Variants in SEC24D observed in about 807,000 individuals in gnomAD.
SEC24D encodes the protein SEC24 homolog D, COPII component.
SEC24D carries 69 observed loss-of-function variants against 116.9 expected under a neutral mutation model. The ratio of observed to expected loss-of-function variants is 0.59; its 90% CI spans 0.49 to 0.72. SEC24D has a LOEUF of 0.72. Ranked by LOEUF, SEC24D falls within the 30% of genes least tolerant of loss-of-function variation. The probability of loss-of-function intolerance (pLI) is 0.00; values close to 1 mark genes in which losing one functional copy is unlikely to be tolerated. For missense variants in SEC24D, 1,131 were observed against 1,264.1 expected (o/e 0.89, Z 1.60); for synonymous variants, 405 against 442.8 (o/e 0.91, Z 1.07).
intron 3 of SEC24D, among the ~76,000 whole-genome samples, chr4:118,821,132 TG>T (rs1342762874): frequency 2.0e-5 from 3 of 152,232 alleles, no homozygotes; most frequent in Non-Finnish European, 4.4e-5. Context: ...AGAGAAAAAA[TG>T]AAAGTTCCAC....
chr4:118,816,577 T>G (rs773009581), intron 4 of SEC24D, among the ~76,000 whole-genome samples: 2 of 152,242 alleles, frequency 1.3e-5, no homozygotes, highest in Non-Finnish European at 2.9e-5. Flanking sequence ...TATGGGAAAC[T>G]GGGTTGCTTC....
At chr4:118,795,627 C>T (rs916733459) in intron 8 of SEC24D, among the ~76,000 whole-genome samples, 3 of 152,110 alleles carry the variant, frequency 2.0e-5, no homozygotes, top group Non-Finnish European at 2.9e-5. Context: ...CTCTTTAAAA[C>T]GTTATGCTGA....
At chr4:118,759,286 C>G (rs1727254675) in intron 10 of SEC24D, among the ~76,000 whole-genome samples, 1 of 152,150 alleles carries the variant, frequency 6.6e-6, no homozygotes, top group South Asian at 2.1e-4. Context: ...TTGGCTGTTC[C>G]TTTTCCTTCA....
In SEC24D at chr4:118,764,960, A is replaced by G. The variant is rs772242518; in HGVS notation, c.1181-43T>C. ...GGAAAGAAAATATTTTGTTTTCATA[A>G]ACACAGACAATTTAGTAAGTTCTCA... is the stretch of plus-strand genomic sequence containing the variant. On this transcript the variant is annotated intron_variant, in intron 9 of 22. Transcript: ENST00000280551. 1.0e-5 allele frequency: 11 copies of G among 1,087,864 alleles called. No individual in the cohort carries two copies. In the South Asian group the frequency reaches 1.4e-4, roughly 14 times the overall value. 67.4% of individuals were successfully genotyped at this position (1,087,864 alleles called of 1,614,324 possible). A position where few individuals can be genotyped will look rare whatever the true frequency, so the allele number is the denominator to read the frequency against.
intron 8 of SEC24D, among the ~76,000 whole-genome samples, chr4:118,792,112 G>A (rs1417747277): frequency 4.0e-5 from 6 of 151,396 alleles, no homozygotes; most frequent in African/African-American, 1.2e-4. Flanking sequence ...CGTCTGAGAT[G>A]TGAAGAGCGC....
At chr4:118,783,951 C>T (rs1302780304) in intron 8 of SEC24D, among the ~76,000 whole-genome samples, 2 of 152,288 alleles carry the variant, frequency 1.3e-5, no homozygotes, top group Admixed American at 6.5e-5. Context: ...GCCTGTAATA[C>T]GAGCAATTTG....
At chr4:118,818,101 T>C (rs1268865648) in intron 3 of SEC24D, among the ~76,000 whole-genome samples, 2 of 152,194 alleles carry the variant, frequency 1.3e-5, no homozygotes, top group African/African-American at 2.4e-5. Context: ...TTGAACTTAT[T>C]AGACGTTTAT....
Position 118,740,510 on chromosome 4 carries a change from C to A in SEC24D, c.2238+153G>T, listed in dbSNP as rs533623102. 3.9e-5 allele frequency among the ~76,000 whole-genome samples: 6 copies of A among 152,312 alleles called. No individual in the cohort carries two copies. The South Asian group carries it at 6.2e-4, about 16-fold the overall frequency. The stretch of plus-strand genomic sequence containing the variant: ...GAATGAGTATGGAGAAACCTCCCAA[C>A]TGAGTGTTCTAATCTACTGACTTTT... On this transcript the variant is annotated intron_variant, in intron 17 of 22. Coordinates refer to ENST00000280551, the MANE Select transcript of SEC24D (RefSeq NM_014822.4).
intron 8 of SEC24D, among the ~76,000 whole-genome samples, chr4:118,773,440 T>C (rs1203862932): frequency 6.6e-6 from 1 of 152,234 alleles, no homozygotes; most frequent in African/African-American, 2.4e-5. Context: ...TGTATCTCTC[T>C]AGCAGCAGTG....
At chr4:118,733,312 T>C (rs151151931) in intron 19 of SEC24D, 196 of 158,188 alleles carry the variant, frequency 1.2e-3, no homozygotes, top group Non-Finnish European at 2.1e-3. Context: ...GATAATTAAA[T>C]GATTTGTAAA....
intron 8 of SEC24D, among the ~76,000 whole-genome samples, chr4:118,793,196 G>A (rs544754816): frequency 3.3e-5 from 5 of 152,202 alleles, no homozygotes; most frequent in East Asian, 3.9e-4. Context: ...GGCCGGGCGC[G>A]GTGGCTCACG....
intron 4 of SEC24D, among the ~76,000 whole-genome samples, chr4:118,815,964 G>A (rs1484979735): frequency 6.6e-6 from 1 of 151,896 alleles, no homozygotes. Context: ...CTCTGTCACT[G>A]AGGCTGCAAT....
In SEC24D at chr4:118,757,759, T is replaced by C; in HGVS notation, c.1383A>G (p.Ile461Met). 2 of 1,611,070 alleles carry C rather than the reference T, an allele frequency of 1.2e-6. No homozygotes were observed. Among genetic ancestry groups the C allele is most frequent in the Admixed American group, 1.7e-5 (1 of 59,252 alleles). Residue 461 changes from isoleucine to methionine, a missense_variant, in exon 11 of 23, where the codon ATA becomes ATG. Physicochemically the swap from Ile to Met is conservative, Grantham distance 10. Transcript: ENST00000280551. ...CCAGCATGGTCTTCAGTTCTTCACA[T>C]ATGAGCTTGACAAGTCCATTCTTTA... ...SNIKNGLVKL[I>M]CEELKTMLEK...
chr4:118,723,822 TGGA>T (rs1560592494), intron 22 of SEC24D, among the ~76,000 whole-genome samples, 167 bp from the exon 23 acceptor site: 1 of 152,146 alleles, frequency 6.6e-6, no homozygotes, highest in Non-Finnish European at 1.5e-5. Context: ...GAAAGAGGCA[TGGA>T]CCCCGAAACC....
At chr4:118,813,492 G>A (rs898899389) in intron 6 of SEC24D, among the ~76,000 whole-genome samples, 19 of 152,362 alleles carry the variant, frequency 1.2e-4, no homozygotes, top group African/African-American at 4.1e-4. Context: ...GCGGCACAGA[G>A]CATGACATGG....
intron 6 of SEC24D, among the ~76,000 whole-genome samples, chr4:118,813,150 G>A (rs1453545713): frequency 6.6e-6 from 1 of 152,166 alleles, no homozygotes; most frequent in Non-Finnish European, 1.5e-5. Context: ...AGAGGCAGAG[G>A]AATTTTGAGA....
intron 22 of SEC24D, among the ~76,000 whole-genome samples, chr4:118,727,771 T>A (rs1403414986): frequency 6.6e-6 from 1 of 152,156 alleles, no homozygotes; most frequent in Non-Finnish European, 1.5e-5. Flanking sequence ...AGAAAAGTTG[T>A]GTATTCATCC....
chr4:118,776,854 C>T (rs1007975650), intron 8 of SEC24D, among the ~76,000 whole-genome samples: 2 of 152,136 alleles, frequency 1.3e-5, no homozygotes, highest in African/African-American at 2.4e-5. Context: ...ATATCTTAGA[C>T]TTAAAACCCT....
chr4:118,761,362 T>C (rs1727371385), intron 10 of SEC24D, among the ~76,000 whole-genome samples: 1 of 152,216 alleles, frequency 6.6e-6, no homozygotes, highest in South Asian at 2.1e-4. Context: ...AGTTCTTCAA[T>C]GGCCTGACAT....
Sources: allele counts gnomAD v4.1 joint callset (sites outside exome capture counted in the v4.1 genomes callset), GRCh38; gene constraint gnomAD v4.1.1; transcripts MANE v1.5; gene names NCBI Gene and HGNC (gene_info 2026-07-23, HGNC 2026-07-21).